Variants in GPM6B observed in about 807,000 individuals in gnomAD.
The protein encoded by GPM6B is glycoprotein M6B.
In GPM6B, 4 loss-of-function variants were observed where a neutral mutation model predicts 27.2. That is an observed-to-expected ratio of 0.15 (90% CI 0.07 to 0.34). The LOEUF (loss-of-function observed/expected upper bound fraction) is 0.34, where lower values mean the gene tolerates loss of function less well. GPM6B is among the 10% of genes least tolerant of loss of function. The pLI is 1.00. For synonymous variants in GPM6B, 124 were observed against 103.1 expected, an observed-to-expected ratio of 1.20 and a Z score of -1.23; for missense variants, 183 against 261.9, an observed-to-expected ratio of 0.70 and a Z score of 2.08.
At chrX:13,916,297 A>T (rs1226847407) in intron 1 of GPM6B, among the ~76,000 whole-genome samples, 1 of 112,192 alleles carries the variant, frequency 8.9e-6, no homozygotes, top group Non-Finnish European at 1.9e-5. Context: ...CACTGTCCCC[A>T]AGTTTTTGGA....
intron 1 of GPM6B, among the ~76,000 whole-genome samples, chrX:13,886,504 A>G (rs1276138282): frequency 9.2e-6 from 1 of 108,641 alleles, no homozygotes; most frequent in African/African-American, 3.4e-5. Flanking sequence ...GAAGGGATAG[A>G]GTCCCTATAT....
At chrX:13,865,585 GA>G (rs1443329487) in intron 1 of GPM6B, among the ~76,000 whole-genome samples, 5 of 52,245 alleles carry the variant, frequency 9.6e-5, no homozygotes, top group Non-Finnish European at 1.7e-4. Context: ...GAAAAGAAAA[GA>G]AAAAAAAAAC....
intron 1 of GPM6B, among the ~76,000 whole-genome samples, chrX:13,832,209 T>C (rs1278935557): frequency 4.5e-5 from 5 of 111,673 alleles, no homozygotes; most frequent in Non-Finnish European, 9.4e-5. Context: ...ACTGCAAGTG[T>C]GACTTTCATG....
chrX:13,845,112 C>T (rs2049630054), intron 1 of GPM6B, among the ~76,000 whole-genome samples: 1 of 109,314 alleles, frequency 9.1e-6, no homozygotes, highest in Non-Finnish European at 1.9e-5. Flanking sequence ...GCCTCAGCCT[C>T]CCGAGTAGCT....
At chrX:13,832,657 T>C (rs2049451478) in intron 1 of GPM6B, among the ~76,000 whole-genome samples, 1 of 111,669 alleles carries the variant, frequency 9.0e-6, no homozygotes, top group Non-Finnish European at 1.9e-5. Flanking sequence ...ATTATTCAAA[T>C]GCAATCTTCT....
At chrX:13,859,757 G>C (rs1034068603) in intron 1 of GPM6B, among the ~76,000 whole-genome samples, 2 of 111,104 alleles carry the variant, frequency 1.8e-5, no homozygotes, top group African/African-American at 6.6e-5. Flanking sequence ...GTTGTCATAG[G>C]GATTAGATGA....
Position 13,816,851 on chromosome X carries a change from C to T in GPM6B, c.54G>A (p.Glu18=), listed in dbSNP as rs2049244544. The change falls in exon 1 of 8, where the codon GAG becomes GAA. Residue 18 remains glutamate (E), a synonymous_variant. Transcript: ENST00000316715. ...TGTCAGAGCGCTGGGTACCTTTTCTCTCTTGGCTTTGTTCAGTATTTTCCT... is the reference window on the plus strand; with the variant it reads ...TGTCAGAGCGCTGGGTACCTTTTCTTTCTTGGCTTTGTTCAGTATTTTCCT... ...AAEENTEQSQ[E]RKVNSRAEME... 8.3e-7 allele frequency: 1 copy of T among 1,208,768 alleles called. No individual in the cohort carries two copies. Among genetic ancestry groups the T allele is most frequent in the African/African-American group, 1.8e-5 (1 of 56,962 alleles).
chrX:13,926,555 A>G (rs1356141885), intron 1 of GPM6B, among the ~76,000 whole-genome samples: 3 of 112,331 alleles, frequency 2.7e-5, no homozygotes, highest in Non-Finnish European at 5.6e-5. Context: ...AGACAGTGTA[A>G]TAGTAGCACA....
chrX:13,931,249 G>A (rs958505061), intron 1 of GPM6B, among the ~76,000 whole-genome samples: 4 of 109,668 alleles, frequency 3.6e-5, no homozygotes, highest in African/African-American at 1.3e-4. Context: ...CATCATGCCT[G>A]TAATCCCAGC....
intron 1 of GPM6B, among the ~76,000 whole-genome samples, chrX:13,873,153 A>AT (rs5901521): frequency 1.4e-3 from 145 of 102,940 alleles, no homozygotes; most frequent in African/African-American, 4.8e-3. Context: ...AGCGTAAGGA[A>AT]TTTTTTTTTT....
intron 1 of GPM6B, among the ~76,000 whole-genome samples, chrX:13,907,268 T>C (rs963450289): frequency 8.9e-6 from 1 of 112,564 alleles, no homozygotes; most frequent in African/African-American, 3.2e-5. Flanking sequence ...ACCCAAGAGA[T>C]GGTTTTTTGG....
intron 1 of GPM6B, among the ~76,000 whole-genome samples, chrX:13,842,929 T>C (rs73453263): frequency 0.033 from 3,666 of 111,708 alleles, 131 homozygotes; most frequent in African/African-American, 0.11. Flanking sequence ...ACACCTTTAT[T>C]ATCATTGACA....
chrX:13,835,239 G>GTT (rs2147221492), intron 1 of GPM6B, among the ~76,000 whole-genome samples: 1 of 111,273 alleles, frequency 9.0e-6, no homozygotes, highest in Non-Finnish European at 1.9e-5. Flanking sequence ...AGAGCCATCT[G>GTT]GTCCTCAGCC....
chrX:13,876,636 A>G (rs1276159904), intron 1 of GPM6B, among the ~76,000 whole-genome samples: 1 of 111,602 alleles, frequency 9.0e-6, no homozygotes, highest in African/African-American at 3.3e-5. Flanking sequence ...GTCTGGAACA[A>G]TCTTCCATTT....
intron 1 of GPM6B, among the ~76,000 whole-genome samples, chrX:13,861,021 CACACACACACACACACACACACATAT>C (rs1464180804): frequency 3.8e-4 from 31 of 82,447 alleles, no homozygotes; most frequent in African/African-American, 1.7e-3. Context: ...CACACACACA[CACACACACACACACACACACACATAT>C]ATACATATAT....
intron 1 of GPM6B, among the ~76,000 whole-genome samples, chrX:13,932,997 G>A (rs1921650865): frequency 9.3e-6 from 1 of 107,578 alleles, no homozygotes; most frequent in African/African-American, 3.4e-5. Context: ...GTTATTCTGT[G>A]ATAAAAGTAT....
chrX:13,841,610 C>T (rs1450568201), intron 1 of GPM6B, among the ~76,000 whole-genome samples: 1 of 111,309 alleles, frequency 9.0e-6, no homozygotes, highest in Admixed American at 9.5e-5. Flanking sequence ...AATCCACCCT[C>T]ACCCCTTTCT....
intron 1 of GPM6B, among the ~76,000 whole-genome samples, chrX:13,933,991 C>T (rs1569316692): frequency 9.0e-6 from 1 of 110,921 alleles, no homozygotes. Flanking sequence ...ACATAAGTGG[C>T]ACGTTTTATG....
At position 13,805,881 on chromosome X, in the gene GPM6B, T is replaced by TC. The variant is rs745948698; in HGVS notation, c.181+1768dup. Among the ~76,000 whole-genome samples, 141 of 111,672 alleles carry TC rather than the reference T, an allele frequency of 1.3e-3. 1 individual carries two copies. Among genetic ancestry groups the TC allele is most frequent in the African/African-American group, 4.3e-3 (133 of 30,711 alleles). ...GACTCTTAAGATGAAGAGGGACTCC[T>TC]CCCTCAAGCAGTTGTTTCTGATAAC... is the stretch of plus-strand genomic sequence containing the variant. On this transcript the variant is annotated intron_variant, in intron 2 of 7. Transcript: ENST00000316715.
Sources: allele counts gnomAD v4.1 joint callset (sites outside exome capture counted in the v4.1 genomes callset), GRCh38; gene constraint gnomAD v4.1.1; transcripts MANE v1.5; gene names NCBI Gene and HGNC (gene_info 2026-07-23, HGNC 2026-07-21).